The following HVCN1 variants were observed in gnomAD, a reference collection of about 807,000 sequenced individuals.
HVCN1 encodes the protein voltage-gated hydrogen channel 1.
HVCN1 carries 14 observed loss-of-function variants against 29.2 expected under a neutral mutation model. The observed-to-expected ratio is 0.48, with a 90% CI of 0.32 to 0.75. The LOEUF is 0.75. Ranked by LOEUF, HVCN1 falls within the 30% of genes least tolerant of loss-of-function variation. The pLI, the probability that HVCN1 is intolerant of heterozygous loss-of-function variation, is 0.04. For missense variants in HVCN1, 263 were observed against 341.8 expected (o/e 0.77, Z 1.82); for synonymous variants, 131 against 133.2 (o/e 0.98, Z 0.11).
At chr12:110,669,353 A>G (rs1478689034) in intron 3 of HVCN1, among the ~76,000 whole-genome samples, 3 of 151,606 alleles carry the variant, frequency 2.0e-5, no homozygotes, top group Non-Finnish European at 4.4e-5. Context: ...TCCTTCTCCA[A>G]TGCCAACCTG....
At chr12:110,674,390 G>T (rs899101164) in intron 3 of HVCN1, among the ~76,000 whole-genome samples, 1 of 152,186 alleles carries the variant, frequency 6.6e-6, no homozygotes, top group Non-Finnish European at 1.5e-5. Flanking sequence ...TTTGGACTGT[G>T]GACTTTTGGG....
At chr12:110,667,498 C>T (rs959903200) in intron 3 of HVCN1, among the ~76,000 whole-genome samples, 6 of 152,114 alleles carry the variant, frequency 3.9e-5, no homozygotes, top group African/African-American at 9.7e-5. Context: ...TGTGCGATCA[C>T]GGTTCACTGC....
chr12:110,675,141 A>C (rs1411082944), intron 3 of HVCN1, among the ~76,000 whole-genome samples: 1 of 152,252 alleles, frequency 6.6e-6, no homozygotes, highest in Non-Finnish European at 1.5e-5. Context: ...TATGCTATAC[A>C]TATGTTCATG....
At chr12:110,659,734 C>T (rs2068101024) in intron 4 of HVCN1, among the ~76,000 whole-genome samples, 1 of 151,800 alleles carries the variant, frequency 6.6e-6, no homozygotes, top group South Asian at 2.1e-4. Context: ...GCCTGGGCAA[C>T]ATAGCAAGAT....
intron 3 of HVCN1, among the ~76,000 whole-genome samples, chr12:110,674,978 A>G (rs2068699339): frequency 6.6e-6 from 1 of 152,238 alleles, no homozygotes; most frequent in African/African-American, 2.4e-5. Flanking sequence ...TAAGAAAATG[A>G]GATTAATAGA....
chr12:110,661,137 G>A lies in HVCN1; in HGVS notation c.306+27C>T. On this transcript the variant is annotated intron_variant, in intron 4 of 7. Coordinates refer to ENST00000242607, the MANE Select transcript of HVCN1 (RefSeq NM_032369.4). This position sits in a 1 kb window ranked among gnomAD's most constrained non-coding sequence, Gnocchi z 6.2. ...CCCGATGGCTCTCCTGCCAGCTCTG[G>A]GTATCCCGGACTCCTGCCCCACCTA... 1 of 1,566,068 alleles carries A rather than the reference G, an allele frequency of 6.4e-7. No individual in the cohort carries two copies. The highest frequency in any genetic ancestry group is 8.7e-7 in the Non-Finnish European group (1 of 1,153,576).
At chr12:110,687,570 A>G (rs754966069) in intron 2 of HVCN1, among the ~76,000 whole-genome samples, 22 of 152,232 alleles carry the variant, frequency 1.4e-4, no homozygotes, top group Non-Finnish European at 1.6e-4. Flanking sequence ...AGGGCTTGGC[A>G]GGCGATGCTG....
chr12:110,653,819 G>A (rs2067896844), intron 5 of HVCN1, among the ~76,000 whole-genome samples: 1 of 152,188 alleles, frequency 6.6e-6, no homozygotes, highest in Non-Finnish European at 1.5e-5. Context: ...TCCAGCCTGG[G>A]CGATAGAGAC....
At chr12:110,657,116 A>T (rs976784861) in intron 4 of HVCN1, among the ~76,000 whole-genome samples, 2 of 152,214 alleles carry the variant, frequency 1.3e-5, no homozygotes, top group African/African-American at 4.8e-5. Flanking sequence ...GCAAATCCAG[A>T]GACAGAATGC....
intron 3 of HVCN1, among the ~76,000 whole-genome samples, chr12:110,680,480 C>T (rs2068925529): frequency 6.6e-6 from 1 of 152,106 alleles, no homozygotes; most frequent in South Asian, 2.1e-4. Context: ...AGACCTATAG[C>T]CTTGATCTAT....
chr12:110,687,267 C>A (rs536140606), intron 2 of HVCN1, among the ~76,000 whole-genome samples: 3 of 150,436 alleles, frequency 2.0e-5, no homozygotes, highest in East Asian at 1.9e-4. Flanking sequence ...ACCCCCCCCC[C>A]CCAGCTAAGC....
intron 3 of HVCN1, among the ~76,000 whole-genome samples, chr12:110,675,633 T>G (rs2068728067): frequency 6.6e-6 from 1 of 151,072 alleles, no homozygotes; most frequent in Non-Finnish European, 1.5e-5. Context: ...GGACTGGGAG[T>G]GGTGGCTCAT....
At chr12:110,683,574 A>G (rs2069065794) in intron 2 of HVCN1, among the ~76,000 whole-genome samples, 1 of 152,162 alleles carries the variant, frequency 6.6e-6, no homozygotes, top group African/African-American at 2.4e-5. Flanking sequence ...GGATCAACAA[A>G]ATGGGTCTGT....
intron 2 of HVCN1, among the ~76,000 whole-genome samples, chr12:110,695,270 AC>A (rs1329569644): frequency 6.6e-6 from 1 of 151,238 alleles, no homozygotes; most frequent in Non-Finnish European, 1.5e-5. Context: ...ATACACACAC[AC>A]ACATATATAT....
At chr12:110,664,224 TTTAAGTA>T (rs1219733539) in intron 3 of HVCN1, among the ~76,000 whole-genome samples, 3 of 152,170 alleles carry the variant, frequency 2.0e-5, no homozygotes, top group Non-Finnish European at 4.4e-5. Flanking sequence ...CTGGCTTACA[TTTAAGTA>T]TTAAGTACAA....
At chr12:110,682,356 C>T (rs568344601) in intron 3 of HVCN1, among the ~76,000 whole-genome samples, 8 of 152,076 alleles carry the variant, frequency 5.3e-5, no homozygotes, top group East Asian at 3.9e-4. Flanking sequence ...CATGTCACCA[C>T]GCCTGGCTAA....
chr12:110,673,376 C>T (rs973890310), intron 3 of HVCN1, among the ~76,000 whole-genome samples: 2 of 152,118 alleles, frequency 1.3e-5, no homozygotes, highest in African/African-American at 2.4e-5. Flanking sequence ...TAAAGGCATT[C>T]AGTTGTATAA....
intron 4 of HVCN1, among the ~76,000 whole-genome samples, chr12:110,659,111 C>T (rs896964946): frequency 4.6e-5 from 7 of 152,314 alleles, no homozygotes; most frequent in African/African-American, 1.2e-4. Context: ...GGTCGCCAGG[C>T]GCTCTGGCAT....
chr12:110,681,948 G>A (rs2136433459), intron 3 of HVCN1, among the ~76,000 whole-genome samples: 1 of 152,212 alleles, frequency 6.6e-6, no homozygotes, highest in East Asian at 1.9e-4. Context: ...GGTACAGGAG[G>A]AAAGCATTTC....
Sources: gnomAD v4.1 joint callset for allele counts (sites outside exome capture counted in the v4.1 genomes callset) on GRCh38, gnomAD v4.1.1 for gene constraint, Gnocchi (gnomAD v3.1) non-coding constraint, MANE v1.5 for transcripts, NCBI Gene and HGNC (gene_info 2026-07-23, HGNC 2026-07-21) for gene names.